DPP6: variants seen among roughly 807,000 people sequenced by gnomAD.
The protein encoded by DPP6 is A-type potassium channel modulatory protein DPP6.
DPP6 carries 69 observed loss-of-function variants against 122.6 expected under a neutral mutation model. The observed-to-expected ratio is 0.56, with a 90% CI of 0.46 to 0.69. The LOEUF is 0.69. Ranked by LOEUF, DPP6 falls within the 30% of genes least tolerant of loss-of-function variation. DPP6 has a pLI of 0.00. For missense variants in DPP6, 928 were observed against 1,116.9 expected (o/e 0.83, Z 2.41); for synonymous variants, 418 against 433.1 (o/e 0.97, Z 0.43).
At chr7:153,967,148 G>A (rs1795787740) in intron 1 of DPP6, among the ~76,000 whole-genome samples, 1 of 152,060 alleles carries the variant, frequency 6.6e-6, no homozygotes, top group African/African-American at 2.4e-5. Flanking sequence ...GTAGTCAAAG[G>A]TGAGGGGAAA....
At chr7:154,307,216 G>A (rs951080852) in intron 1 of DPP6, among the ~76,000 whole-genome samples, 1 of 152,186 alleles carries the variant, frequency 6.6e-6, no homozygotes, top group African/African-American at 2.4e-5. Context: ...AGGAGAGTGG[G>A]AATAGTTAAT....
chr7:154,779,970 C>T (rs1278580844), intron 10 of DPP6, among the ~76,000 whole-genome samples: 1 of 152,184 alleles, frequency 6.6e-6, no homozygotes, highest in Non-Finnish European at 1.5e-5. Context: ...GTGCTCTGTT[C>T]CCCTCACCTG....
At chr7:154,776,535 C>T (rs1383952482) in intron 10 of DPP6, among the ~76,000 whole-genome samples, 4 of 152,092 alleles carry the variant, frequency 2.6e-5, no homozygotes, top group Admixed American at 6.5e-5. Flanking sequence ...TTCATTTTCC[C>T]GCCTGCCACC....
In DPP6 at chr7:154,060,680, C is replaced by T. The variant is rs192463615; in HGVS notation, c.243+7617C>T. Among the ~76,000 whole-genome samples the T allele has an allele frequency of 6.5e-3, 874 of 135,152 alleles. 2 individuals carry two copies. The highest frequency in any genetic ancestry group is 0.022 in the Middle Eastern group (4 of 184). 88.7% of individuals were successfully genotyped at this position (135,152 alleles called of 152,430 possible). A position where few individuals can be genotyped will look rare whatever the true frequency, so the allele number is the denominator to read the frequency against. ...CGAGAGTGGCGACTGAGAGCTATCCCCTCTTCCGCCCCTGGCTGTTAGTAC... is the reference window on the plus strand; with the variant it reads ...CGAGAGTGGCGACTGAGAGCTATCCTCTCTTCCGCCCCTGGCTGTTAGTAC... On this transcript the variant is annotated intron_variant, in intron 1 of 25. Coordinates refer to ENST00000377770, the MANE Select transcript of DPP6 (RefSeq NM_130797.4).
chr7:154,240,459 G>A (rs1801519266), intron 1 of DPP6, among the ~76,000 whole-genome samples: 1 of 152,164 alleles, frequency 6.6e-6, no homozygotes, highest in Non-Finnish European at 1.5e-5. Context: ...AATAAGAATA[G>A]GAATAGAAAA....
At chr7:154,613,315 T>A (rs978382093) in intron 5 of DPP6, among the ~76,000 whole-genome samples, 7 of 152,134 alleles carry the variant, frequency 4.6e-5, no homozygotes, top group Non-Finnish European at 1.0e-4. Context: ...GCAGATGCTG[T>A]AAACCTTATT....
intron 1 of DPP6, among the ~76,000 whole-genome samples, chr7:154,284,090 G>A (rs1237687684): frequency 2.0e-5 from 3 of 152,152 alleles, no homozygotes; most frequent in Admixed American, 2.0e-4. Flanking sequence ...TGAGTCAGGG[G>A]GAGCTGCCTC....
intron 1 of DPP6, among the ~76,000 whole-genome samples, chr7:154,319,830 A>G (rs1807770895): frequency 6.6e-6 from 1 of 151,004 alleles, no homozygotes; most frequent in Non-Finnish European, 1.5e-5. Context: ...GTCTCTACTA[A>G]CAATACAAAA....
At chr7:154,256,747 A>C (rs960365026) in intron 1 of DPP6, among the ~76,000 whole-genome samples, 1 of 152,188 alleles carries the variant, frequency 6.6e-6, no homozygotes, top group African/African-American at 2.4e-5. Flanking sequence ...CTTGATTCTC[A>C]GTAGGTCGTT....
chr7:154,015,993 G>T (rs1266002696), intron 1 of DPP6, among the ~76,000 whole-genome samples: 1 of 152,036 alleles, frequency 6.6e-6, no homozygotes. Context: ...CCTTTTCCCT[G>T]CACACTCCAT....
chr7:154,765,627 G>T (rs1049236090), intron 8 of DPP6, among the ~76,000 whole-genome samples: 1 of 152,172 alleles, frequency 6.6e-6, no homozygotes, highest in Non-Finnish European at 1.5e-5. Flanking sequence ...ACCCAGCCCA[G>T]ATCCTACCTG....
At chr7:154,313,684 G>GGTGTGTGTGTGTGTGTGTGTGTGT (rs146683070) in intron 1 of DPP6, among the ~76,000 whole-genome samples, 1 of 25,102 alleles carries the variant, frequency 4.0e-5, no homozygotes, top group Non-Finnish European at 7.5e-5. Flanking sequence ...TTTAAGATAT[G>GGTGTGTGTGTGTGTGTGTGTGTGT]GTATATATAT....
intron 1 of DPP6, among the ~76,000 whole-genome samples, chr7:154,314,167 G>A (rs188220027): frequency 6.6e-6 from 1 of 152,208 alleles, no homozygotes; most frequent in Admixed American, 6.5e-5. Flanking sequence ...CTTCTGATCC[G>A]AGCTCCTCCA....
Position 154,382,768 on chromosome 7 carries a change from G to A in DPP6, c.244-63446G>A, listed in dbSNP as rs149390305. On this transcript the variant is annotated intron_variant, in intron 1 of 25. Coordinates refer to ENST00000377770, the MANE Select transcript of DPP6 (RefSeq NM_130797.4). ...GTTTTTGAGACAGAGTTTTGCTGTT[G>A]TTACCCAAGCTGTAGTGCAATGGTG... 7.9e-5 allele frequency among the ~76,000 whole-genome samples: 12 copies of A among 152,190 alleles called. No homozygotes were observed. The East Asian group carries it at 2.1e-3, about 27-fold the overall frequency.
chr7:154,843,907 C>T (rs537780161), intron 16 of DPP6, among the ~76,000 whole-genome samples: 5 of 152,218 alleles, frequency 3.3e-5, no homozygotes, highest in Non-Finnish European at 5.9e-5. Context: ...GTCTGTCTTC[C>T]GTACTGGACT....
At chr7:153,983,546 G>A (rs1220566461) in intron 1 of DPP6, among the ~76,000 whole-genome samples, 3 of 152,128 alleles carry the variant, frequency 2.0e-5, no homozygotes, top group Non-Finnish European at 2.9e-5. Context: ...TCCTTTCCAG[G>A]TGAGTGAACA....
At chr7:153,938,595 A>G (rs1801563171) in intron 1 of DPP6, among the ~76,000 whole-genome samples, 1 of 152,214 alleles carries the variant, frequency 6.6e-6, no homozygotes, top group Admixed American at 6.5e-5. Context: ...CATTACATGC[A>G]TGTGAGTGCT....
intron 1 of DPP6, among the ~76,000 whole-genome samples, chr7:153,908,697 T>C (rs1799950654): frequency 6.6e-6 from 1 of 152,190 alleles, no homozygotes; most frequent in Non-Finnish European, 1.5e-5. Flanking sequence ...AAATGAGTAG[T>C]TAACTCATTT....
Position 154,009,683 on chromosome 7 carries a change from C to T in DPP6, c.51+121949C>T, listed in dbSNP as rs202020336. 1.2e-3 allele frequency among the ~76,000 whole-genome samples: 185 copies of T among 149,752 alleles called. 4 individuals are homozygous for T. The East Asian group carries it at 0.029, about 24-fold the overall frequency. The stretch of plus-strand genomic sequence containing the variant: ...TCTTTCAGAAGGGAAAGGATGGTGC[C>T]CTTTGTTCTGCTCTGCTGGGCCCTG... On this transcript the variant is annotated intron_variant, in intron 1 of 25. Coordinates refer to the DPP6 transcript ENST00000404039.
Sources: allele counts gnomAD v4.1 joint callset (sites outside exome capture counted in the v4.1 genomes callset), GRCh38; gene constraint gnomAD v4.1.1; transcripts MANE v1.5; gene names NCBI Gene and HGNC (gene_info 2026-07-23, HGNC 2026-07-21).